The following LIPC variants were observed in gnomAD, a reference collection of about 807,000 sequenced individuals.
The protein encoded by LIPC is hepatic triacylglycerol lipase.
In LIPC, 44 loss-of-function variants were observed where a neutral mutation model predicts 50.7. That is an observed-to-expected ratio of 0.87 (90% confidence interval 0.68 to 1.11). The LOEUF (loss-of-function observed/expected upper bound fraction) is 1.11, where lower values mean the gene tolerates loss of function less well. LIPC is among the 50% of genes most tolerant of loss of function. LIPC has a pLI of 0.00. For missense variants in LIPC, 697 were observed against 648.2 expected, an observed-to-expected ratio of 1.08 and a Z score of -0.82; for synonymous variants, 271 against 256.4, an observed-to-expected ratio of 1.06 and a Z score of -0.54.
At chr15:58,448,581 G>C (rs1893785132) in intron 1 of LIPC, among the ~76,000 whole-genome samples, 1 of 152,240 alleles carries the variant, frequency 6.6e-6, no homozygotes. Flanking sequence ...GTGAAGGAGA[G>C]CACCTCACTC....
At chr15:58,527,714 T>C (rs1892835145) in intron 1 of LIPC, among the ~76,000 whole-genome samples, 1 of 152,194 alleles carries the variant, frequency 6.6e-6, no homozygotes, top group Non-Finnish European at 1.5e-5. Flanking sequence ...TATTCACTGT[T>C]AGGTATCACA....
At chr15:58,565,913 C>A (rs372213188) in intron 8 of LIPC, 646 of 943,888 alleles carry the variant, frequency 6.8e-4, no homozygotes, top group African/African-American at 5.3e-3. Flanking sequence ...TCGGAGAATA[C>A]AAAAAAAAAA....
chr15:58,528,140 C>CAAA (rs11443674), intron 1 of LIPC, among the ~76,000 whole-genome samples: 14 of 137,830 alleles, frequency 1.0e-4, no homozygotes, highest in African/African-American at 2.7e-4. Context: ...AACTCTGTCT[C>CAAA]AAAAAAAAAA....
At chr15:58,468,466 A>T (rs924725575) in intron 1 of LIPC, among the ~76,000 whole-genome samples, 4 of 152,124 alleles carry the variant, frequency 2.6e-5, no homozygotes, top group African/African-American at 9.7e-5. Context: ...GAAGATTCTG[A>T]TGCACACCCG....
intron 6 of LIPC, among the ~76,000 whole-genome samples, chr15:58,550,080 C>A (rs1893691064): frequency 1.3e-5 from 2 of 152,150 alleles, no homozygotes; most frequent in African/African-American, 4.8e-5. Context: ...AAGGCCTAGG[C>A]AGGGAAAATT....
chr15:58,567,297 A>G (rs55769735), intron 8 of LIPC, among the ~76,000 whole-genome samples: 289 of 22,604 alleles, frequency 0.013, 2 homozygotes, highest in African/African-American at 0.037. Context: ...ATATATACAT[A>G]TATATATACA....
rs546786854 is a variant in LIPC at position 58,528,540 on chromosome 15, G to A, written c.89-9793G>A. On this transcript the variant is annotated intron_variant, in intron 1 of 8. Transcript: ENST00000299022. ...CTTTTTTTTTCTTTGACAGGGTTTG[G>A]CTCTGTCACCTGAGCTGGAGTGCAG... Among the ~76,000 whole-genome samples the A allele has an allele frequency of 8.5e-5, 13 of 152,204 alleles. No individual in the cohort carries two copies. The East Asian group carries it at 2.5e-3, about 29-fold the overall frequency.
chr15:58,512,012 G>T (rs181782883), intron 1 of LIPC, among the ~76,000 whole-genome samples: 5 of 152,082 alleles, frequency 3.3e-5, no homozygotes, highest in Middle Eastern at 6.8e-3. Flanking sequence ...AACCTAGAAG[G>T]AAATCACAAC....
In LIPC at chr15:58,503,033, T is replaced by C. The variant is rs544645165; in HGVS notation, c.89-35300T>C. On this transcript the variant is annotated intron_variant, in intron 1 of 8. Transcript: ENST00000299022. ...CATCATTGACAATAGTATACACATA[T>C]TATTTATAATATGTATAGGTGCTTT... 1.8e-4 allele frequency among the ~76,000 whole-genome samples: 27 copies of C among 151,856 alleles called. 2 individuals carry two copies. The South Asian group carries it at 5.2e-3, about 29-fold the overall frequency.
At chr15:58,543,762 G>A (rs186968495) in intron 4 of LIPC, among the ~76,000 whole-genome samples, 19 of 151,928 alleles carry the variant, frequency 1.3e-4, no homozygotes, top group South Asian at 1.0e-3. Context: ...TTAGCCTCCC[G>A]AGTAGCTAAG....
chr15:58,536,936 G>A (rs565399732), intron 1 of LIPC, among the ~76,000 whole-genome samples: 2 of 152,274 alleles, frequency 1.3e-5, no homozygotes, highest in East Asian at 3.9e-4. Flanking sequence ...GCTGTCCCCT[G>A]AAACCAAAAG....
chr15:58,506,217 C>T (rs1892144521), intron 1 of LIPC, among the ~76,000 whole-genome samples: 1 of 152,166 alleles, frequency 6.6e-6, no homozygotes, highest in Non-Finnish European at 1.5e-5. Context: ...AGGGGAGAGG[C>T]TGTGCAGAAA....
rs148799507 is a variant in LIPC at position 58,559,577 on chromosome 15, A to G, written c.1052-1287A>G. Among the ~76,000 whole-genome samples the G allele has an allele frequency of 4.2e-4, 64 of 152,198 alleles. 1 individual carries two copies. The highest frequency in any genetic ancestry group is 3.4e-3 in the Middle Eastern group (1 of 294). The stretch of plus-strand genomic sequence containing the variant: ...ACATGCCGTATTAAACCTGTTTGCA[A>G]TCTTGGAGCTAGAACACTGTAGATG... On this transcript the variant is annotated intron_variant, in intron 6 of 8. Transcript: ENST00000299022.
chr15:58,441,329 T>A (rs1273746912), intron 1 of LIPC, among the ~76,000 whole-genome samples: 2 of 152,216 alleles, frequency 1.3e-5, no homozygotes, highest in Non-Finnish European at 1.5e-5. Context: ...AATATGAATC[T>A]TCCATCTTAA....
chr15:58,548,684 G>A (rs576135436), intron 6 of LIPC, 112 bp downstream of exon 6: 12 of 1,382,644 alleles, frequency 8.7e-6, no homozygotes, highest in Admixed American at 4.0e-5. Flanking sequence ...TGCTGTTGCG[G>A]TGTTTCTGAA....
At chr15:58,459,391 T>A (rs1894253607) in intron 1 of LIPC, among the ~76,000 whole-genome samples, 1 of 124,914 alleles carries the variant, frequency 8.0e-6, no homozygotes, top group Non-Finnish European at 1.7e-5. Context: ...GAGAATCGAC[T>A]TTTTTCTTTC....
intron 1 of LIPC, among the ~76,000 whole-genome samples, chr15:58,512,130 A>G (rs1160774749): frequency 6.6e-6 from 1 of 150,900 alleles, no homozygotes; most frequent in East Asian, 1.9e-4. Context: ...CGGAGTCTCA[A>G]TCTGTTGCCC....
At chr15:58,511,351 A>G (rs1892325432) in intron 1 of LIPC, among the ~76,000 whole-genome samples, 1 of 152,164 alleles carries the variant, frequency 6.6e-6, no homozygotes. Flanking sequence ...CACTAACCCC[A>G]AGGCCCTAAC....
intron 1 of LIPC, among the ~76,000 whole-genome samples, chr15:58,484,423 T>C (rs1438449354): frequency 6.6e-6 from 1 of 152,244 alleles, no homozygotes; most frequent in African/African-American, 2.4e-5. Context: ...ATCCAGGATA[T>C]GAGCAAAATG....
Sources: allele counts gnomAD v4.1 joint callset (sites outside exome capture counted in the v4.1 genomes callset), GRCh38; gene constraint gnomAD v4.1.1; transcripts MANE v1.5; gene names NCBI Gene and HGNC (gene_info 2026-07-23, HGNC 2026-07-21).